The following AGBL4 variants were observed in gnomAD, a reference collection of about 807,000 sequenced individuals.
AGBL4 encodes the protein AGBL carboxypeptidase 4.
In AGBL4, 58 loss-of-function variants were observed where a neutral mutation model predicts 66.4. That is an observed-to-expected ratio of 0.87 (90% CI 0.71 to 1.09). The LOEUF (loss-of-function observed/expected upper bound fraction) is 1.09, where lower values mean the gene tolerates loss of function less well. Ranked by LOEUF, AGBL4 falls within the 50% of genes least tolerant of loss-of-function variation. The pLI is 0.00. For synonymous variants in AGBL4, 234 were observed against 222.9 expected, an observed-to-expected ratio of 1.05 and a Z score of -0.44; for missense variants, 579 against 631.0, an observed-to-expected ratio of 0.92 and a Z score of 0.88.
At chr1:49,913,561 AGTTGGAT>A (rs1419251323) in intron 1 of AGBL4, among the ~76,000 whole-genome samples, 2 of 152,196 alleles carry the variant, frequency 1.3e-5, no homozygotes, top group African/African-American at 2.4e-5. Context: ...CTCATGCTTG[AGTTGGAT>A]GCTGGTGGCC....
At chr1:48,754,397 T>C (rs1214543997) in intron 6 of AGBL4, among the ~76,000 whole-genome samples, 1 of 152,202 alleles carries the variant, frequency 6.6e-6, no homozygotes, top group Admixed American at 6.5e-5. Context: ...CATTACGTTA[T>C]TCCCAGCACC....
At chr1:49,607,884 A>C (rs1433702440) in intron 3 of AGBL4, among the ~76,000 whole-genome samples, 1 of 152,136 alleles carries the variant, frequency 6.6e-6, no homozygotes, top group Non-Finnish European at 1.5e-5. Flanking sequence ...GTCTTGTACA[A>C]AACCCAAATT....
the AGBL4 span, among the ~76,000 whole-genome samples, chr1:48,524,409 G>A: frequency 6.6e-6 from 1 of 152,208 alleles, no homozygotes; most frequent in African/African-American, 2.4e-5. Context: ...TGAAAAGGGG[G>A]TTCTTGGTGA....
At chr1:49,810,055 T>C (rs1645063183) in intron 2 of AGBL4, among the ~76,000 whole-genome samples, 1 of 152,170 alleles carries the variant, frequency 6.6e-6, no homozygotes, top group South Asian at 2.1e-4. Context: ...TATAAACCTA[T>C]TTTGTTCCAG....
At chr1:49,877,236 C>T (rs1284878276) in intron 1 of AGBL4, among the ~76,000 whole-genome samples, 2 of 150,744 alleles carry the variant, frequency 1.3e-5, no homozygotes, top group East Asian at 1.9e-4. Context: ...TGTCTTGTGC[C>T]GGTTTTCAAA....
At chr1:49,299,143 T>C (rs1338353246) in intron 3 of AGBL4, among the ~76,000 whole-genome samples, 3 of 152,136 alleles carry the variant, frequency 2.0e-5, no homozygotes, top group Non-Finnish European at 4.4e-5. Flanking sequence ...CATATCACAG[T>C]TGAAAAAAAA....
chr1:49,412,026 T>C (rs1035482577), intron 3 of AGBL4, among the ~76,000 whole-genome samples: 1 of 152,208 alleles, frequency 6.6e-6, no homozygotes, highest in Non-Finnish European at 1.5e-5. Flanking sequence ...TCTAATTTGT[T>C]CATTCACTCA....
At chr1:48,837,703 C>CTAT (rs1382300748) in intron 6 of AGBL4, among the ~76,000 whole-genome samples, 152 of 97,908 alleles carry the variant, frequency 1.6e-3, no homozygotes, top group South Asian at 2.9e-3. Context: ...CACACGCACA[C>CTAT]ACACACACTA....
intron 5 of AGBL4, among the ~76,000 whole-genome samples, chr1:49,041,651 C>T (rs1643945284): frequency 6.6e-6 from 1 of 152,084 alleles, no homozygotes; most frequent in Non-Finnish European, 1.5e-5. Flanking sequence ...CAAACTGGGA[C>T]AGTTCTGCCT....
At chr1:49,643,424 G>A (rs780844558) in intron 3 of AGBL4, among the ~76,000 whole-genome samples, 8 of 151,226 alleles carry the variant, frequency 5.3e-5, no homozygotes, top group Middle Eastern at 3.4e-3. Context: ...ACATTTTAAA[G>A]AACAATAGCT....
At chr1:49,447,930 C>T (rs1362672916) in intron 3 of AGBL4, among the ~76,000 whole-genome samples, 1 of 152,038 alleles carries the variant, frequency 6.6e-6, no homozygotes, top group Non-Finnish European at 1.5e-5. Flanking sequence ...ATGTCTCTAG[C>T]CAGCCATCTT....
intron 2 of AGBL4, among the ~76,000 whole-genome samples, chr1:49,789,560 T>C (rs1439161000): frequency 1.3e-5 from 2 of 152,148 alleles, no homozygotes; most frequent in African/African-American, 4.8e-5. Flanking sequence ...AGAGAGCCAA[T>C]TCATGAGTGA....
At chr1:49,301,290 C>T (rs1362163571) in intron 3 of AGBL4, among the ~76,000 whole-genome samples, 1 of 152,140 alleles carries the variant, frequency 6.6e-6, no homozygotes, top group Non-Finnish European at 1.5e-5. Flanking sequence ...GAACCTGAAA[C>T]AACCTTTGCA....
chr1:49,317,676 C>G (rs1269489065), intron 3 of AGBL4, among the ~76,000 whole-genome samples: 1 of 151,744 alleles, frequency 6.6e-6, no homozygotes, highest in East Asian at 1.9e-4. Context: ...CCAAACAAAT[C>G]CAAGCAGACA....
At chr1:48,926,984 T>C (rs1571018879) in intron 5 of AGBL4, among the ~76,000 whole-genome samples, 1 of 152,064 alleles carries the variant, frequency 6.6e-6, no homozygotes, top group East Asian at 1.9e-4. Context: ...ACTCTGGAGG[T>C]ACCAGATCTT....
intron 5 of AGBL4, among the ~76,000 whole-genome samples, chr1:48,885,239 C>A (rs556362072): frequency 6.6e-6 from 1 of 152,280 alleles, no homozygotes; most frequent in African/African-American, 2.4e-5. Flanking sequence ...ATGTGAAATT[C>A]CAACTGCAAT....
chr1:49,164,226 A>G (rs1451679932), intron 4 of AGBL4, among the ~76,000 whole-genome samples: 2 of 152,104 alleles, frequency 1.3e-5, no homozygotes, highest in African/African-American at 4.8e-5. Flanking sequence ...GGGAGGCTAG[A>G]GGAAGGAAAT....
intron 6 of AGBL4, among the ~76,000 whole-genome samples, chr1:48,771,334 G>T (rs947277960): frequency 1.3e-5 from 2 of 152,160 alleles, no homozygotes; most frequent in Admixed American, 6.5e-5. Flanking sequence ...TCTGCTTTCT[G>T]GATGTGCTTT....
intron 1 of AGBL4, among the ~76,000 whole-genome samples, chr1:49,888,704 T>C (rs1253943466): frequency 6.6e-6 from 1 of 152,132 alleles, no homozygotes; most frequent in African/African-American, 2.4e-5. Context: ...AATAAATATC[T>C]AATGAACATA....
Sources: gnomAD v4.1 joint callset for allele counts (sites outside exome capture counted in the v4.1 genomes callset) on GRCh38, gnomAD v4.1.1 for gene constraint, MANE v1.5 for transcripts, NCBI Gene and HGNC (gene_info 2026-07-23, HGNC 2026-07-21) for gene names.